ESRRG: variants seen among roughly 807,000 people sequenced by gnomAD.
The protein encoded by ESRRG is estrogen-related receptor gamma.
Under a neutral mutation model 44.0 loss-of-function variants are expected in ESRRG, and 13 were observed. The ratio of observed to expected loss-of-function variants is 0.30; its 90% confidence interval spans 0.19 to 0.47. The LOEUF (loss-of-function observed/expected upper bound fraction) is 0.47, where lower values mean the gene tolerates loss of function less well. Ranked by LOEUF, ESRRG falls within the 20% of genes least tolerant of loss-of-function variation. The probability of loss-of-function intolerance (pLI) is 1.00; values close to 1 mark genes in which losing one functional copy is unlikely to be tolerated. For missense variants in ESRRG, 395 were observed against 580.6 expected, an observed-to-expected ratio of 0.68 and a Z score of 3.29; for synonymous variants, 215 against 214.6, an observed-to-expected ratio of 1.00 and a Z score of -0.02.
At chr1:217,117,654 T>C (rs2092749111) in intron 1 of ESRRG, among the ~76,000 whole-genome samples, 1 of 152,162 alleles carries the variant, frequency 6.6e-6, no homozygotes, top group South Asian at 2.1e-4. Context: ...AAAGTTATTA[T>C]GGAATAATAA....
At chr1:216,995,018 C>T (rs17044843) in intron 1 of ESRRG, among the ~76,000 whole-genome samples, 2,720 of 152,266 alleles carry the variant, frequency 0.018, 78 homozygotes, top group African/African-American at 0.057. Flanking sequence ...AGATGGCATT[C>T]GTCTTCAGGG....
intron 2 of ESRRG, among the ~76,000 whole-genome samples, chr1:216,807,957 T>A (rs2094850004): frequency 6.6e-6 from 1 of 152,172 alleles, no homozygotes; most frequent in Admixed American, 6.5e-5. Context: ...AAAAGAAATG[T>A]GCTAATTTCA....
chr1:217,053,465 AAAAGAAAG>A (rs3072270), intron 1 of ESRRG, among the ~76,000 whole-genome samples: 131 of 145,622 alleles, frequency 9.0e-4, no homozygotes, highest in East Asian at 7.2e-3. Context: ...AAAGCCAAAA[AAAAGAAAG>A]AAAGAAAGAA....
At chr1:216,739,341 AT>A (rs1575977881) in intron 2 of ESRRG, among the ~76,000 whole-genome samples, 2 of 152,050 alleles carry the variant, frequency 1.3e-5, no homozygotes, top group East Asian at 3.9e-4. Context: ...TACATAAGCT[AT>A]TTTTTAAATA....
intron 1 of ESRRG, among the ~76,000 whole-genome samples, chr1:217,024,306 C>G (rs7525595): frequency 6.6e-6 from 1 of 151,276 alleles, no homozygotes; most frequent in Admixed American, 6.6e-5. Context: ...TGCAGTGAGC[C>G]GAGATTGCAC....
intron 2 of ESRRG, among the ~76,000 whole-genome samples, chr1:216,752,023 G>C (rs2092063970): frequency 6.6e-6 from 1 of 152,018 alleles, no homozygotes; most frequent in Non-Finnish European, 1.5e-5. Context: ...TTGCTCTGTG[G>C]CTTGGTTACT....
At chr1:216,579,647 G>A (rs2062360218) in intron 3 of ESRRG, among the ~76,000 whole-genome samples, 1 of 152,106 alleles carries the variant, frequency 6.6e-6, no homozygotes. Flanking sequence ...AGACTTCCCT[G>A]TGTATTGTTA....
intron 2 of ESRRG, among the ~76,000 whole-genome samples, chr1:216,926,757 G>A (rs2062639862): frequency 6.6e-6 from 1 of 152,150 alleles, no homozygotes; most frequent in Admixed American, 6.5e-5. Context: ...TTCCCCTGGG[G>A]GATCTGAAGG....
chr1:217,113,089 G>A (rs141538901), intron 1 of ESRRG, among the ~76,000 whole-genome samples: 166 of 152,336 alleles, frequency 1.1e-3, no homozygotes, highest in African/African-American at 3.8e-3. Flanking sequence ...AAAAGAGACA[G>A]AGAAAATACA....
At chr1:216,810,559 A>AAT (rs1330626262) in intron 2 of ESRRG, among the ~76,000 whole-genome samples, 1 of 147,828 alleles carries the variant, frequency 6.8e-6, no homozygotes, top group African/African-American at 2.5e-5. Context: ...TAGAAGGCAG[A>AAT]ATATATATAT....
At chr1:216,895,350 T>A (rs1179163343) in intron 2 of ESRRG, among the ~76,000 whole-genome samples, 1 of 152,174 alleles carries the variant, frequency 6.6e-6, no homozygotes, top group Non-Finnish European at 1.5e-5. Context: ...TTAAGACCTA[T>A]TGATCACTGG....
chr1:216,674,753 G>A (rs1295613994), intron 2 of ESRRG, among the ~76,000 whole-genome samples: 1 of 151,830 alleles, frequency 6.6e-6, no homozygotes, highest in Non-Finnish European at 1.5e-5. Flanking sequence ...ACGACTACAG[G>A]TGCATGCCAC....
intron 2 of ESRRG, among the ~76,000 whole-genome samples, chr1:216,849,490 C>A (rs923287511): frequency 6.6e-6 from 1 of 152,032 alleles, no homozygotes; most frequent in Non-Finnish European, 1.5e-5. Context: ...ATTTATTTAT[C>A]TTTTGCTGAA....
At chr1:216,922,142 A>G (rs2061928243) in intron 2 of ESRRG, among the ~76,000 whole-genome samples, 1 of 152,338 alleles carries the variant, frequency 6.6e-6, no homozygotes, top group Non-Finnish European at 1.5e-5. Context: ...CTCTGTAAAC[A>G]GATACAATAA....
chr1:216,538,202 T>C (rs2051579781), intron 5 of ESRRG, among the ~76,000 whole-genome samples: 1 of 152,070 alleles, frequency 6.6e-6, no homozygotes, highest in Non-Finnish European at 1.5e-5. Flanking sequence ...CAAAATGTAT[T>C]CCTCTTTGTA....
intron 2 of ESRRG, among the ~76,000 whole-genome samples, chr1:216,655,657 A>G (rs575902072): frequency 1.3e-5 from 2 of 152,344 alleles, no homozygotes; most frequent in East Asian, 3.9e-4. Context: ...TTTTCTTTCA[A>G]TAAAGTTGCC....
chr1:216,622,940 T>C (rs2062516856), intron 3 of ESRRG, among the ~76,000 whole-genome samples: 1 of 152,270 alleles, frequency 6.6e-6, no homozygotes, highest in East Asian at 1.9e-4. Context: ...TGAAGTAAGC[T>C]AAACAGTTCT....
intron 1 of ESRRG, among the ~76,000 whole-genome samples, chr1:217,128,841 G>A (rs2092922966): frequency 6.6e-6 from 1 of 152,080 alleles, no homozygotes; most frequent in African/African-American, 2.4e-5. Context: ...TTTAATCTGA[G>A]TCTTTTCATG....
intron 2 of ESRRG, among the ~76,000 whole-genome samples, chr1:216,823,593 A>C (rs1402570897): frequency 6.6e-6 from 1 of 152,210 alleles, no homozygotes; most frequent in East Asian, 1.9e-4. Context: ...TTTTTTAAAA[A>C]TTTAAATCAC....
Sources: gnomAD v4.1 joint callset for allele counts (sites outside exome capture counted in the v4.1 genomes callset) on GRCh38, gnomAD v4.1.1 for gene constraint, MANE v1.5 for transcripts, NCBI Gene and HGNC (gene_info 2026-07-23, HGNC 2026-07-21) for gene names.